Variants in NFIB observed in about 807,000 individuals in gnomAD.
NFIB encodes the protein nuclear factor 1 B-type.
In NFIB, 11 loss-of-function variants were observed where a neutral mutation model predicts 61.5. The ratio of observed to expected loss-of-function variants is 0.18; its 90% CI spans 0.11 to 0.30. The LOEUF (loss-of-function observed/expected upper bound fraction) is 0.30, where lower values mean the gene tolerates loss of function less well. Among genes scored for constraint, NFIB ranks in the 10% least tolerant of loss-of-function variants. NFIB has a pLI of 1.00. For missense variants in NFIB, 471 were observed against 608.9 expected (o/e 0.77, Z 2.38); for synonymous variants, 260 against 216.5 (o/e 1.20, Z -1.76).
Position 14,085,883 on chromosome 9 carries a change from T to C in NFIB, c.*2426A>G, listed in dbSNP as rs1258521731. On this transcript the variant is annotated 3_prime_UTR_variant, in exon 11 of 11. Transcript: ENST00000380953. Reference sequence around the variant, plus strand: ...TCATGTGTTAAACTCTCAAAAGTGTTAAACATCCAACATCCCCTATGTGGA... The same window carrying C: ...TCATGTGTTAAACTCTCAAAAGTGTCAAACATCCAACATCCCCTATGTGGA... The C allele has an allele frequency of 4.4e-6, 1 of 225,320 alleles. No individual in the cohort carries two copies. The allele number at this position is 225,320 out of a possible 1,614,324, so 14.0% of individuals were successfully genotyped here.
chr9:14,494,067 AG>A, the NFIB span, among the ~76,000 whole-genome samples: 1 of 152,104 alleles, frequency 6.6e-6, no homozygotes, highest in Non-Finnish European at 1.5e-5. Context: ...TTCTTAGGCG[AG>A]GGGGTTTTCT....
intron 10 of NFIB, among the ~76,000 whole-genome samples, chr9:14,097,804 G>A (rs1375016205): frequency 6.6e-6 from 1 of 150,586 alleles, no homozygotes; most frequent in African/African-American, 2.4e-5. Context: ...TGAGTGTTAT[G>A]CAAATTAAGT....
chr9:14,373,654 G>C lies in NFIB; in HGVS notation c.108+24870C>G, dbSNP rs547465721. On this transcript the variant is annotated intron_variant, in intron 1 of 8. Transcript: ENST00000380934. ...TGTGTCCACATGAGTGTGTGTGTGT[G>C]TGTGTGTGTGTGTGTGTGTGTGTGG... is the stretch of plus-strand genomic sequence containing the variant. 1.8e-4 allele frequency among the ~76,000 whole-genome samples: 28 copies of C among 151,718 alleles called. No individual in the cohort carries two copies. The South Asian group carries it at 5.6e-3, about 30-fold the overall frequency.
intron 2 of NFIB, among the ~76,000 whole-genome samples, chr9:14,224,306 C>T (rs988338759): frequency 8.6e-5 from 13 of 152,016 alleles, no homozygotes; most frequent in Non-Finnish European, 1.3e-4. Context: ...ACCATATATC[C>T]CTAATATTGG....
At chr9:14,511,260 T>A in the NFIB span, among the ~76,000 whole-genome samples, 1 of 152,152 alleles carries the variant, frequency 6.6e-6, no homozygotes, top group Non-Finnish European at 1.5e-5. Context: ...CGTTTATATT[T>A]TTTTGTGTGT....
the NFIB span, among the ~76,000 whole-genome samples, chr9:14,508,507 T>C: frequency 6.6e-6 from 1 of 152,214 alleles, no homozygotes; most frequent in Admixed American, 6.5e-5. Flanking sequence ...AAATACAGTC[T>C]AGAACTGACA....
the NFIB span, among the ~76,000 whole-genome samples, chr9:14,479,956 G>C: frequency 6.6e-6 from 1 of 151,884 alleles, no homozygotes; most frequent in East Asian, 1.9e-4. Flanking sequence ...TGGAAAAAAA[G>C]AAAGAAGACA....
chr9:14,101,520 G>A (rs1202773368), intron 10 of NFIB, among the ~76,000 whole-genome samples: 1 of 152,188 alleles, frequency 6.6e-6, no homozygotes, highest in African/African-American at 2.4e-5. Context: ...CGTAAACGGA[G>A]GATTAACATC....
At chr9:14,463,495 G>C in the NFIB span, among the ~76,000 whole-genome samples, 19 of 151,914 alleles carry the variant, frequency 1.3e-4, no homozygotes, top group Non-Finnish European at 2.5e-4. Context: ...ACCCATCAAT[G>C]TCAGGATGGT....
chr9:14,278,876 GA>G (rs574786493), intron 2 of NFIB, among the ~76,000 whole-genome samples: 3 of 151,866 alleles, frequency 2.0e-5, no homozygotes, highest in Non-Finnish European at 4.4e-5. Context: ...ATACTGAGGG[GA>G]AAAAAATGTG....
At chr9:14,182,706 CTCTGTGTG>C (rs1271461576) in intron 2 of NFIB, among the ~76,000 whole-genome samples, 19 of 124,854 alleles carry the variant, frequency 1.5e-4, no homozygotes, top group Admixed American at 8.5e-4. Context: ...CTCTCTCTCT[CTCTGTGTG>C]TGTGTGTGTG....
At chr9:14,415,530 G>C in the NFIB span, among the ~76,000 whole-genome samples, 1 of 152,220 alleles carries the variant, frequency 6.6e-6, no homozygotes, top group African/African-American at 2.4e-5. Flanking sequence ...CTCAGAGGCT[G>C]TCTAATGCTG....
chr9:14,506,686 A>T, the NFIB span, among the ~76,000 whole-genome samples: 1 of 152,124 alleles, frequency 6.6e-6, no homozygotes, highest in African/African-American at 2.4e-5. Flanking sequence ...CTCATTTTCC[A>T]TCCTTACTGT....
At chr9:14,179,620 G>T in intron 3 of NFIB, 107 bp downstream of exon 3, 2 of 1,215,652 alleles carry the variant, frequency 1.6e-6, no homozygotes, top group Non-Finnish European at 2.4e-6. Context: ...ATACCTGCCT[G>T]CCAGAACAAA....
chr9:14,438,440 C>T, the NFIB span, among the ~76,000 whole-genome samples: 3 of 152,148 alleles, frequency 2.0e-5, no homozygotes, highest in African/African-American at 7.2e-5. Flanking sequence ...TTCTTGTAAC[C>T]ACAAAATGTT....
chr9:14,285,392 G>A (rs370420371), intron 2 of NFIB, among the ~76,000 whole-genome samples: 5 of 152,328 alleles, frequency 3.3e-5, no homozygotes, highest in South Asian at 4.1e-4. Context: ...AAAGTGCTGG[G>A]ATTACAGGCG....
In NFIB at chr9:14,125,745, ATAG is replaced by A; in HGVS notation, c.944_946del (p.Thr315del). 6.2e-7 allele frequency: 1 copy of A among 1,614,166 alleles called. No homozygotes were observed. Among genetic ancestry groups the A allele is most frequent in the African/African-American group, 1.3e-5 (1 of 75,060 alleles). Reference sequence around the variant, plus strand: ...GAACAATGGCTTTTCAGGCTTCTTCATAGTAGTCGGAGAAGACATATCTGCGAG... The same window carrying A: ...GAACAATGGCTTTTCAGGCTTCTTCATAGTCGGAGAAGACATATCTGCGAG... On this transcript the variant is annotated inframe_deletion, in exon 7 of 11. Coordinates refer to ENST00000380953, the MANE Select transcript of NFIB (RefSeq NM_001190737.2).
At chr9:14,169,296 C>T (rs2045293947) in intron 3 of NFIB, among the ~76,000 whole-genome samples, 2 of 152,046 alleles carry the variant, frequency 1.3e-5, no homozygotes, top group African/African-American at 4.8e-5. Context: ...ACTGCAGGAA[C>T]ACACATACAT....
At chr9:14,368,855 G>A (rs1197410148) in intron 1 of NFIB, among the ~76,000 whole-genome samples, 1 of 152,158 alleles carries the variant, frequency 6.6e-6, no homozygotes, top group South Asian at 2.1e-4. Flanking sequence ...GACCCTTATT[G>A]TTCCCGTGAA....
Sources: allele counts gnomAD v4.1 joint callset (sites outside exome capture counted in the v4.1 genomes callset), GRCh38; gene constraint gnomAD v4.1.1; transcripts MANE v1.5; gene names NCBI Gene and HGNC (gene_info 2026-07-23, HGNC 2026-07-21).